Variants in KYNU observed in about 807,000 individuals in gnomAD.
The protein encoded by KYNU is kynureninase, also known as L-kynurenine hydrolase.
Under a neutral mutation model 59.2 loss-of-function variants are expected in KYNU, and 54 were observed. The ratio of observed to expected loss-of-function variants is 0.91; its 90% CI spans 0.73 to 1.14. The LOEUF is 1.14. KYNU is among the 50% of genes most tolerant of loss of function. KYNU has a pLI of 0.00. For synonymous variants in KYNU, 177 were observed against 192.0 expected (o/e 0.92, Z 0.65); for missense variants, 567 against 554.4 (o/e 1.02, Z -0.23).
chr2:143,026,920 C>T (rs1686591012), intron 10 of KYNU, among the ~76,000 whole-genome samples: 1 of 152,166 alleles, frequency 6.6e-6, no homozygotes, highest in African/African-American at 2.4e-5. Flanking sequence ...CCACTTCTCT[C>T]CGATGCCCAG....
chr2:142,911,200 G>C (rs1484084772), intron 2 of KYNU, among the ~76,000 whole-genome samples: 1 of 152,116 alleles, frequency 6.6e-6, no homozygotes. Context: ...CATGAGTATG[G>C]AATGTTTTTC....
chr2:142,959,941 T>C (rs923437004), intron 7 of KYNU, among the ~76,000 whole-genome samples: 60 of 152,194 alleles, frequency 3.9e-4, no homozygotes, highest in Non-Finnish European at 5.9e-5. Context: ...AGTTTAGTTT[T>C]TTTCTGAGAC....
chr2:142,978,581 T>TCTGGGCCAGTGCTGGGCCCATCCACTG (rs1230796005), intron 8 of KYNU, among the ~76,000 whole-genome samples: 1 of 152,086 alleles, frequency 6.6e-6, no homozygotes, highest in Non-Finnish European at 1.5e-5. Flanking sequence ...TCCACTGGAG[T>TCTGGGCCAGTGCTGGGCCCATCCACTG]CTGGGCCAGT....
rs1558990211 is a variant in KYNU at position 143,042,610 on chromosome 2, A to ATGTG, written c.*439_*440insGTGT. The ATGTG allele has an allele frequency of 1.0e-4, 1 of 10,012 alleles. No individual in the cohort carries two copies. Among genetic ancestry groups the ATGTG allele is most frequent in the African/African-American group, 1.5e-4 (1 of 6,700 alleles). 0.6% of individuals were successfully genotyped at this position (10,012 alleles called of 1,614,324 possible). A position where few individuals can be genotyped will look rare whatever the true frequency, so the allele number is the denominator to read the frequency against. On this transcript the variant is annotated 3_prime_UTR_variant, in exon 14 of 14. Transcript: ENST00000264170. ...TATATATATATATATATATATATATATATATATATATATATATATATGTGT... is the reference window on the plus strand; with the variant it reads ...TATATATATATATATATATATATATATGTGTATATATATATATATATATATGTGT...
chr2:142,999,363 A>C (rs1231093806), intron 10 of KYNU, among the ~76,000 whole-genome samples: 1 of 152,166 alleles, frequency 6.6e-6, no homozygotes, highest in Non-Finnish European at 1.5e-5. Flanking sequence ...GATTGCTTTG[A>C]ATGGTGTCTG....
chr2:143,027,668 A>T (rs1167198944), intron 10 of KYNU, among the ~76,000 whole-genome samples: 2 of 152,188 alleles, frequency 1.3e-5, no homozygotes, highest in Non-Finnish European at 2.9e-5. Flanking sequence ...TTTTTAATAC[A>T]GAATTTTAAA....
chr2:143,033,585 G>A (rs969131510), intron 12 of KYNU, among the ~76,000 whole-genome samples: 4 of 152,156 alleles, frequency 2.6e-5, no homozygotes, highest in Admixed American at 1.3e-4. Flanking sequence ...GGGGAGATAC[G>A]TTTTTTACTC....
At chr2:142,916,553 C>T (rs1682674626) in intron 2 of KYNU, among the ~76,000 whole-genome samples, 1 of 152,140 alleles carries the variant, frequency 6.6e-6, no homozygotes, top group Admixed American at 6.5e-5. Flanking sequence ...TGGGTATTAA[C>T]AGAACAAATG....
At chr2:142,971,244 A>T (rs1335041521) in intron 8 of KYNU, 4 of 152,124 alleles carry the variant, frequency 2.6e-5, no homozygotes, top group Non-Finnish European at 1.5e-5. Context: ...ATGTTTACCC[A>T]CTGAGCCCAC....
At chr2:142,896,180 T>C (rs1266869629) in intron 2 of KYNU, among the ~76,000 whole-genome samples, 1 of 152,206 alleles carries the variant, frequency 6.6e-6, no homozygotes, top group African/African-American at 2.4e-5. Context: ...TATAGGTATA[T>C]TTTTAACTTT....
At chr2:142,983,678 G>T (rs1462175024) in intron 8 of KYNU, among the ~76,000 whole-genome samples, 2 of 152,044 alleles carry the variant, frequency 1.3e-5, no homozygotes, top group African/African-American at 2.4e-5. Context: ...GGTCTTAGGA[G>T]ATTTGACATT....
At chr2:142,893,622 G>A (rs914225982) in intron 2 of KYNU, among the ~76,000 whole-genome samples, 5 of 151,808 alleles carry the variant, frequency 3.3e-5, no homozygotes, top group African/African-American at 1.2e-4. Context: ...TTCAAGCAAG[G>A]TGGGGGCTTG....
At chr2:142,938,363 A>G (rs1683464960) in intron 4 of KYNU, among the ~76,000 whole-genome samples, 1 of 152,212 alleles carries the variant, frequency 6.6e-6, no homozygotes, top group African/African-American at 2.4e-5. Context: ...CCCAAGCCAT[A>G]ATAGACTCAG....
chr2:142,886,215 C>G (rs961460242), intron 2 of KYNU, among the ~76,000 whole-genome samples: 1 of 152,050 alleles, frequency 6.6e-6, no homozygotes, highest in South Asian at 2.1e-4. Flanking sequence ...AAAAGGTTCC[C>G]AGGTTGAATG....
intron 2 of KYNU, among the ~76,000 whole-genome samples, chr2:142,912,872 G>A (rs1450942377): frequency 1.3e-5 from 2 of 150,320 alleles, no homozygotes; most frequent in African/African-American, 4.9e-5. Context: ...ACTGCACCTG[G>A]CTAATTTTTT....
intron 4 of KYNU, among the ~76,000 whole-genome samples, chr2:142,935,809 G>C (rs565159292): frequency 6.6e-6 from 1 of 152,136 alleles, no homozygotes; most frequent in South Asian, 2.1e-4. Flanking sequence ...GGTATGAAGG[G>C]GGAAGGGAGT....
chr2:142,984,162 T>A (rs1685130330), intron 8 of KYNU, among the ~76,000 whole-genome samples: 1 of 152,064 alleles, frequency 6.6e-6, no homozygotes. Flanking sequence ...CCTTTATCAA[T>A]GCACAATATG....
chr2:143,028,926 T>C lies in KYNU; in HGVS notation c.903-701T>C, dbSNP rs565792044. On this transcript the variant is annotated intron_variant, in intron 10 of 13. Transcript: ENST00000264170. ...TTTCCTTTAAAAGTATTTTTAAAAC[T>C]TTCAACAATTGTATGGGCTTTTTGG... 7.4e-4 allele frequency among the ~76,000 whole-genome samples: 113 copies of C among 152,294 alleles called. 1 individual carries two copies. In the Middle Eastern group the frequency reaches 0.017, roughly 23 times the overall value.
intron 12 of KYNU, among the ~76,000 whole-genome samples, chr2:143,039,196 T>C (rs1372106166): frequency 6.6e-6 from 1 of 152,156 alleles, no homozygotes. Flanking sequence ...AATAAATGCA[T>C]TATCTAATAT....
Sources: gnomAD v4.1 joint callset for allele counts (sites outside exome capture counted in the v4.1 genomes callset) on GRCh38, gnomAD v4.1.1 for gene constraint, MANE v1.5 for transcripts, NCBI Gene and HGNC (gene_info 2026-07-23, HGNC 2026-07-21) for gene names.